Variants in GABRA3 observed in about 807,000 individuals in gnomAD.
GABRA3 encodes gamma-aminobutyric acid receptor subunit alpha-3.
In GABRA3, 10 loss-of-function variants were observed where a neutral mutation model predicts 30.1. That is an observed-to-expected ratio of 0.33 (90% CI 0.20 to 0.56). The LOEUF (loss-of-function observed/expected upper bound fraction) is 0.56. GABRA3 is among the 20% of genes least tolerant of loss of function. The pLI is 0.89. For missense variants in GABRA3, 233 were observed against 392.0 expected (o/e 0.59, Z 3.42); for synonymous variants, 151 against 146.8 (o/e 1.03, Z -0.21).
At chrX:152,371,455 G>C (rs1387539597) in intron 1 of GABRA3, among the ~76,000 whole-genome samples, 1 of 110,582 alleles carries the variant, frequency 9.0e-6, no homozygotes, top group Non-Finnish European at 1.9e-5. Context: ...ATGTGTCCTG[G>C]ATCCCATTTC....
At chrX:152,329,866 G>A (rs1471230757) in intron 3 of GABRA3, among the ~76,000 whole-genome samples, 7 of 111,686 alleles carry the variant, frequency 6.3e-5, no homozygotes, top group Admixed American at 2.8e-4. Context: ...TTAAACTAAC[G>A]AGCTTCTGCA....
intron 3 of GABRA3, among the ~76,000 whole-genome samples, chrX:152,330,037 A>G (rs181580149): frequency 1.2e-4 from 13 of 112,219 alleles, no homozygotes; most frequent in African/African-American, 3.9e-4. Flanking sequence ...AAGTGGGCAA[A>G]GGATATGAAC....
At chrX:152,288,477 G>T (rs749817231) in intron 3 of GABRA3, among the ~76,000 whole-genome samples, 1 of 112,422 alleles carries the variant, frequency 8.9e-6, no homozygotes, top group Non-Finnish European at 1.9e-5. Context: ...AGTTAGAACA[G>T]ATTCAGAGTT....
intron 9 of GABRA3, among the ~76,000 whole-genome samples, chrX:152,185,282 T>C (rs1334866427): frequency 8.9e-6 from 1 of 111,796 alleles, no homozygotes; most frequent in African/African-American, 3.2e-5. Context: ...TCAATTCTCA[T>C]AATATGCTTC....
At chrX:152,376,215 T>C (rs1011814029) in intron 1 of GABRA3, among the ~76,000 whole-genome samples, 2 of 111,516 alleles carry the variant, frequency 1.8e-5, no homozygotes, top group African/African-American at 3.3e-5. Flanking sequence ...ACAGTTTCCA[T>C]GGTACTTTGC....
At chrX:152,248,780 T>C (rs751099677) in intron 5 of GABRA3, among the ~76,000 whole-genome samples, 7 of 111,845 alleles carry the variant, frequency 6.3e-5, no homozygotes, top group African/African-American at 2.3e-4. Flanking sequence ...CTGACAATAA[T>C]GACGATATAT....
rs202018655 is a variant in GABRA3, at chrX:152,202,499, A to ATG, written c.779-4716_779-4715dup. ...TCTTGTGTATCTTCCTAGAAAGATT[A>ATG]TGTGTGTGTGTGTATATATACACAG... On this transcript the variant is annotated intron_variant, in intron 7 of 9. Transcript: ENST00000370314. Among the ~76,000 whole-genome samples the ATG allele has an allele frequency of 8.0e-3, 887 of 111,344 alleles. 11 individuals are homozygous for ATG. The highest frequency in any genetic ancestry group is 0.026 in the African/African-American group (811 of 30,653).
chrX:152,257,024 C>T (rs1309381079), intron 4 of GABRA3, among the ~76,000 whole-genome samples: 1 of 110,384 alleles, frequency 9.1e-6, no homozygotes, highest in African/African-American at 3.3e-5. Context: ...TATATTCTGC[C>T]GAAAAATTCC....
intron 7 of GABRA3, 65 bp downstream of exon 7, chrX:152,207,936 T>G (rs1395764611): frequency 3.9e-5 from 39 of 1,006,720 alleles, no homozygotes; most frequent in Non-Finnish European, 5.1e-5. Context: ...TATAAGCACT[T>G]AGAACAGTGA....
chrX:152,291,817 T>C (rs765236021), intron 3 of GABRA3, among the ~76,000 whole-genome samples: 65 of 112,065 alleles, frequency 5.8e-4, no homozygotes, highest in Middle Eastern at 4.6e-3. Context: ...ATTATGTTTA[T>C]TGATTTGCAT....
intron 2 of GABRA3, among the ~76,000 whole-genome samples, chrX:152,353,152 A>T (rs1298985791): frequency 1.8e-5 from 2 of 111,504 alleles, no homozygotes; most frequent in East Asian, 5.7e-4. Flanking sequence ...TTTCTGAAAT[A>T]GCTTATATGG....
chrX:152,173,834 C>A (rs1402115509), intron 9 of GABRA3, among the ~76,000 whole-genome samples: 1 of 110,104 alleles, frequency 9.1e-6, no homozygotes, highest in African/African-American at 3.3e-5. Context: ...TACATGTGCA[C>A]AACGTGCAGG....
At chrX:152,202,686 A>G (rs1373647378) in intron 7 of GABRA3, among the ~76,000 whole-genome samples, 1 of 112,653 alleles carries the variant, frequency 8.9e-6, no homozygotes, top group South Asian at 3.6e-4. Context: ...GAAGCATCTC[A>G]TATCAATGAG....
Position 152,244,180 on chromosome X carries a change from A to C in GABRA3, c.551+11598T>G, listed in dbSNP as rs1460365087. 2.7e-5 allele frequency among the ~76,000 whole-genome samples: 3 copies of C among 112,191 alleles called. No individual in the cohort carries two copies. The East Asian group carries it at 8.4e-4, about 31-fold the overall frequency. On this transcript the variant is annotated intron_variant, in intron 5 of 9. Coordinates refer to ENST00000370314, the MANE Select transcript of GABRA3 (RefSeq NM_000808.4). ...CTGAACTAGATTGAATACCACATGTAAGTCATTTGCTTTTTGATGGAAATC... is the reference window on the plus strand; with the variant it reads ...CTGAACTAGATTGAATACCACATGTCAGTCATTTGCTTTTTGATGGAAATC...
chrX:152,174,819 G>T (rs1298233438), intron 9 of GABRA3, among the ~76,000 whole-genome samples: 1 of 111,634 alleles, frequency 9.0e-6, no homozygotes, highest in Non-Finnish European at 1.9e-5. Flanking sequence ...TTCAATTTTG[G>T]CTTTTGTTGC....
chrX:152,227,609 T>A lies in GABRA3; in HGVS notation c.552-2764A>T, dbSNP rs778368482. ...ATTAAATGGGTTACATTTTTTTTTT[T>A]AAAAAAAAAAGAACATTCCCATCAG... On this transcript the variant is annotated intron_variant, in intron 5 of 9. Transcript: ENST00000370314. Among the ~76,000 whole-genome samples, 408 of 99,759 alleles carry A rather than the reference T, an allele frequency of 4.1e-3. 1 individual carries two copies. Among genetic ancestry groups the A allele is most frequent in the South Asian group, 0.031 (69 of 2,203 alleles). 86.6% of individuals were successfully genotyped at this position (99,759 alleles called of 115,157 possible). A position where few individuals can be genotyped will look rare whatever the true frequency, so the allele number is the denominator to read the frequency against.
At chrX:152,445,526 T>C (rs1479079230) in intron 1 of GABRA3, among the ~76,000 whole-genome samples, 3 of 111,527 alleles carry the variant, frequency 2.7e-5, no homozygotes, top group Non-Finnish European at 5.6e-5. Context: ...GGAAGGTGCA[T>C]TTCAATGACC....
At chrX:152,383,669 C>G (rs1167456714) in intron 1 of GABRA3, among the ~76,000 whole-genome samples, 4 of 103,325 alleles carry the variant, frequency 3.9e-5, no homozygotes, top group Non-Finnish European at 7.9e-5. Context: ...AAGAATGTGA[C>G]AAAATTCAAC....
chrX:152,202,638 A>T (rs1291490816), intron 7 of GABRA3, among the ~76,000 whole-genome samples: 1 of 112,532 alleles, frequency 8.9e-6, no homozygotes, highest in African/African-American at 3.2e-5. Flanking sequence ...TTGTATGTGT[A>T]TGTATGTGCA....
Sources: gnomAD v4.1 joint callset for allele counts (sites outside exome capture counted in the v4.1 genomes callset) on GRCh38, gnomAD v4.1.1 for gene constraint, MANE v1.5 for transcripts, NCBI Gene and HGNC (gene_info 2026-07-23, HGNC 2026-07-21) for gene names.